The following ITGB5 variants were observed in gnomAD, a reference collection of about 807,000 sequenced individuals.
The protein encoded by ITGB5 is integrin beta-5.
In ITGB5, 38 loss-of-function variants were observed where a neutral mutation model predicts 84.8. That is an observed-to-expected ratio of 0.45 (90% CI 0.35 to 0.59). The LOEUF (loss-of-function observed/expected upper bound fraction) is 0.59. Ranked by LOEUF, ITGB5 falls within the 20% of genes least tolerant of loss-of-function variation. The pLI is 0.01. For missense variants in ITGB5, 905 were observed against 1,034.5 expected, an observed-to-expected ratio of 0.87 and a Z score of 1.72; for synonymous variants, 393 against 414.4, an observed-to-expected ratio of 0.95 and a Z score of 0.63.
chr3:124,780,718 C>G (rs1048324748), intron 10 of ITGB5: 1 of 151,786 alleles, frequency 6.6e-6, no homozygotes, highest in Non-Finnish European at 1.5e-5. Context: ...GTCCCCCCCC[C>G]CGTGTTTCCC....
chr3:124,843,065 T>C, intron 4 of ITGB5, among the ~76,000 whole-genome samples: 1 of 152,156 alleles, frequency 6.6e-6, no homozygotes, highest in Non-Finnish European at 1.5e-5. Context: ...CCTTCTCCTT[T>C]CCCGAAGTCT....
chr3:124,850,709 AAC>A (rs1405886641), intron 3 of ITGB5, among the ~76,000 whole-genome samples: 1 of 97,356 alleles, frequency 1.0e-5, no homozygotes, highest in Non-Finnish European at 2.3e-5. Flanking sequence ...AATTTAAAAA[AAC>A]AAAAAAAAAA....
rs751129258 is a variant in ITGB5, at chr3:124,873,644, A to G, written c.71-113T>C. ...TTTAACAGGAGGCCTCTCTGAGTCTAAAGGGTGCAGGTACCATTGCTAATT... is the reference window on the plus strand; with the variant it reads ...TTTAACAGGAGGCCTCTCTGAGTCTGAAGGGTGCAGGTACCATTGCTAATT... On this transcript the variant is annotated intron_variant, in intron 1 of 14. Coordinates refer to ENST00000296181, the MANE Select transcript of ITGB5 (RefSeq NM_002213.5). 43 of 829,336 alleles carry G rather than the reference A, an allele frequency of 5.2e-5. 1 individual carries two copies. Among genetic ancestry groups the G allele is most frequent in the Middle Eastern group, 2.2e-4 (1 of 4,476 alleles). The allele number at this position is 829,336 out of a possible 1,614,324, so 51.4% of individuals were successfully genotyped here.
chr3:124,774,253 A>G (rs1409910052), intron 10 of ITGB5, among the ~76,000 whole-genome samples: 1 of 152,190 alleles, frequency 6.6e-6, no homozygotes, highest in African/African-American at 2.4e-5. Context: ...CAATCCCCAG[A>G]GTATCACTGT....
At chr3:124,787,293 G>C (rs946181453) in intron 10 of ITGB5, among the ~76,000 whole-genome samples, 2 of 152,132 alleles carry the variant, frequency 1.3e-5, no homozygotes, top group Non-Finnish European at 2.9e-5. Context: ...CACAGGATCT[G>C]AGCGGTAAGC....
Position 124,819,205 on chromosome 3 carries a change from C to T in ITGB5, c.1038+534G>A, listed in dbSNP as rs573652813. Among the ~76,000 whole-genome samples the T allele has an allele frequency of 3.3e-5, 5 of 152,004 alleles. No homozygotes were observed. The East Asian group carries it at 7.7e-4, about 24-fold the overall frequency. The stretch of plus-strand genomic sequence containing the variant: ...GGGAATTCCTGCCCCAGACTAAATG[C>T]GGCAGTCCAGGGTGACCCAGGAACA... On this transcript the variant is annotated intron_variant, in intron 7 of 14. Coordinates refer to ENST00000296181, the MANE Select transcript of ITGB5 (RefSeq NM_002213.5).
intron 4 of ITGB5, among the ~76,000 whole-genome samples, chr3:124,845,300 G>A (rs1294848275): frequency 6.6e-6 from 1 of 152,206 alleles, no homozygotes; most frequent in East Asian, 1.9e-4. Context: ...TGGGTGTGGT[G>A]GCACGTGCCT....
intron 1 of ITGB5, among the ~76,000 whole-genome samples, chr3:124,892,774 A>G (rs146756003): frequency 1.3e-5 from 2 of 151,388 alleles, no homozygotes; most frequent in African/African-American, 4.8e-5. Context: ...AAACAAAAAA[A>G]CTTAAAAATC....
chr3:124,770,221 C>G (rs1202089562), intron 11 of ITGB5: 2 of 152,266 alleles, frequency 1.3e-5, no homozygotes, highest in Non-Finnish European at 2.9e-5. Context: ...TGGGCTGGGG[C>G]ATGTTGCTCT....
At chr3:124,792,476 C>T (rs542556631) in intron 10 of ITGB5, 1 of 152,336 alleles carries the variant, frequency 6.6e-6, no homozygotes, top group East Asian at 1.9e-4. Context: ...ACGAAACAGC[C>T]TGGGTGAAAA....
At chr3:124,786,299 G>A (rs1207292491) in intron 10 of ITGB5, among the ~76,000 whole-genome samples, 1 of 152,134 alleles carries the variant, frequency 6.6e-6, no homozygotes, top group Non-Finnish European at 1.5e-5. Context: ...CACTTTGGAA[G>A]GCTGAGAAGG....
intron 3 of ITGB5, among the ~76,000 whole-genome samples, chr3:124,855,919 T>C (rs551589861): frequency 6.6e-6 from 1 of 152,342 alleles, no homozygotes; most frequent in East Asian, 1.9e-4. Flanking sequence ...ATACGGATTG[T>C]ATGCAAACCT....
chr3:124,874,341 G>C (rs979969754), intron 1 of ITGB5, among the ~76,000 whole-genome samples: 2 of 143,508 alleles, frequency 1.4e-5, no homozygotes, highest in African/African-American at 5.1e-5. Flanking sequence ...GAAAGAAAAA[G>C]AAACTGAAGA....
At chr3:124,864,681 C>CCCA (rs1380740481) in intron 2 of ITGB5, among the ~76,000 whole-genome samples, 8 of 151,932 alleles carry the variant, frequency 5.3e-5, no homozygotes, top group African/African-American at 1.5e-4. Flanking sequence ...ACGCTCACTA[C>CCCA]TTAGAGTGCA....
chr3:124,779,392 G>C (rs775655033), intron 10 of ITGB5, among the ~76,000 whole-genome samples: 68 of 152,146 alleles, frequency 4.5e-4, no homozygotes, highest in Non-Finnish European at 7.8e-4. Flanking sequence ...TGTGACCTGG[G>C]TGTGGGAGGC....
At chr3:124,891,916 C>CA (rs969454098), upstream of ITGB5, among the ~76,000 whole-genome samples, 29 of 136,046 alleles carry the variant, frequency 2.1e-4, no homozygotes, top group East Asian at 1.3e-3. Context: ...GGCCCTGTCT[C>CA]AAAAAAAAAT....
intron 5 of ITGB5, among the ~76,000 whole-genome samples, chr3:124,826,049 C>T (rs2064780874): frequency 6.6e-6 from 1 of 152,094 alleles, no homozygotes; most frequent in Non-Finnish European, 1.5e-5. Flanking sequence ...GAATTCAGCA[C>T]TATAGTTATA....
intron 3 of ITGB5, among the ~76,000 whole-genome samples, chr3:124,854,429 C>A (rs2065195534): frequency 6.6e-6 from 1 of 152,084 alleles, no homozygotes; most frequent in African/African-American, 2.4e-5. Context: ...TATTATTTGG[C>A]CATAAAAAGG....
At chr3:124,765,115 A>G (rs1183792810) in intron 13 of ITGB5, among the ~76,000 whole-genome samples, 1 of 152,204 alleles carries the variant, frequency 6.6e-6, no homozygotes, top group Non-Finnish European at 1.5e-5. Flanking sequence ...TGGCCTCAGG[A>G]AGGCACATTA....
Sources: allele counts gnomAD v4.1 joint callset (sites outside exome capture counted in the v4.1 genomes callset), GRCh38; gene constraint gnomAD v4.1.1; transcripts MANE v1.5; gene names NCBI Gene and HGNC (gene_info 2026-07-23, HGNC 2026-07-21).